CIT: variants seen among roughly 807,000 people sequenced by gnomAD.
The protein encoded by CIT is citron rho-interacting serine/threonine kinase.
CIT carries 79 observed loss-of-function variants against 272.7 expected under a neutral mutation model. That is an observed-to-expected ratio of 0.29 (90% CI 0.24 to 0.35). The LOEUF is 0.35. Ranked by LOEUF, CIT falls within the 10% of genes least tolerant of loss-of-function variation. The pLI is 1.00. For synonymous variants in CIT, 948 were observed against 995.6 expected, an observed-to-expected ratio of 0.95 and a Z score of 0.90; for missense variants, 1,909 against 2,618.3, an observed-to-expected ratio of 0.73 and a Z score of 5.91.
chr12:119,719,185 T>A (rs748095624), intron 30 of CIT, among the ~76,000 whole-genome samples: 1 of 150,810 alleles, frequency 6.6e-6, no homozygotes, highest in Non-Finnish European at 1.5e-5. Flanking sequence ...ATCAGGAGAG[T>A]ATGGAGTATG....
chr12:119,714,415 G>A, intron 32 of CIT, 81 bp from the exon 33 acceptor site: 8 of 1,459,548 alleles, frequency 5.5e-6, no homozygotes, highest in Admixed American at 2.0e-5. Flanking sequence ...CCACAGAAAG[G>A]GAAAAAATAC....
Position 119,697,918 on chromosome 12 carries a change from G to C in CIT, c.5702+58C>G, listed in dbSNP as rs962468884. 1.4e-5 allele frequency: 23 copies of C among 1,612,318 alleles called. No individual in the cohort carries two copies. Among genetic ancestry groups the C allele is most frequent in the African/African-American group, 2.7e-5 (2 of 74,860 alleles). On this transcript the variant is annotated intron_variant, in intron 45 of 47. Transcript: ENST00000392521. The surrounding 1 kb of genome is among the most constrained non-coding windows in gnomAD (Gnocchi z 4.9). ...GCAAGTTAGGAAGGAACATGCGGCCGGCCCCAACACCTACCCCAATAGCTG... is the reference window on the plus strand; with the variant it reads ...GCAAGTTAGGAAGGAACATGCGGCCCGCCCCAACACCTACCCCAATAGCTG...
chr12:119,708,420 C>T, intron 39 of CIT, 102 bp from the exon 40 acceptor site: 3 of 1,181,752 alleles, frequency 2.5e-6, no homozygotes, highest in Non-Finnish European at 3.4e-6. Context: ...CACAAGAGGC[C>T]ACACAGATGA....
chr12:119,802,393 C>A (rs2137870122), intron 10 of CIT, among the ~76,000 whole-genome samples: 1 of 152,250 alleles, frequency 6.6e-6, no homozygotes, highest in African/African-American at 2.4e-5. Flanking sequence ...AAGCCTCGAC[C>A]CTCTAATTCC....
chr12:119,810,275 A>C (rs779926222), intron 9 of CIT, among the ~76,000 whole-genome samples: 5 of 152,188 alleles, frequency 3.3e-5, no homozygotes, highest in African/African-American at 7.2e-5. Flanking sequence ...AGTGGTGTCC[A>C]CTGCAGAACT....
chr12:119,832,871 G>A lies in CIT; in HGVS notation c.660-7C>T. On this transcript the variant is annotated splice_polypyrimidine_tract_variant and splice_region_variant and intron_variant, in intron 6 of 47. Coordinates refer to ENST00000392521, the MANE Select transcript of CIT (RefSeq NM_001206999.2). ...GTTCTCAGGCTTGATGTCTCTGTAAGAAAATCAGGACCATGAATTGCCTCC... is the reference window on the plus strand; with the variant it reads ...GTTCTCAGGCTTGATGTCTCTGTAAAAAAATCAGGACCATGAATTGCCTCC... 1 of 1,607,884 alleles carries A rather than the reference G, an allele frequency of 6.2e-7. No homozygotes were observed. Among genetic ancestry groups the A allele is most frequent in the Non-Finnish European group, 8.5e-7 (1 of 1,174,380 alleles).
At chr12:119,772,124 T>C (rs1296751973) in intron 17 of CIT, among the ~76,000 whole-genome samples, 1 of 151,622 alleles carries the variant, frequency 6.6e-6, no homozygotes, top group African/African-American at 2.4e-5. Flanking sequence ...GACCCAGCAA[T>C]AGGAGGAGGG....
At chr12:119,772,549 A>G (rs1300476912) in intron 17 of CIT, among the ~76,000 whole-genome samples, 2 of 152,226 alleles carry the variant, frequency 1.3e-5, no homozygotes, top group African/African-American at 4.8e-5. Context: ...AAACAGAAAG[A>G]AAAAACTTCT....
At chr12:119,851,163 C>G (rs145966656) in intron 4 of CIT, among the ~76,000 whole-genome samples, 37 of 152,302 alleles carry the variant, frequency 2.4e-4, no homozygotes, top group Non-Finnish European at 4.4e-4. Context: ...AGGTGATCCT[C>G]TTGCCTCAGC....
chr12:119,851,669 T>C (rs902224637), intron 4 of CIT, among the ~76,000 whole-genome samples: 3 of 152,268 alleles, frequency 2.0e-5, no homozygotes, highest in Admixed American at 6.5e-5. Context: ...CTGACTGAAA[T>C]AGGAAAATCC....
At chr12:119,701,579 T>C in intron 43 of CIT, 45 bp downstream of exon 43, 1 of 1,601,386 alleles carries the variant, frequency 6.2e-7, no homozygotes, top group Non-Finnish European at 8.5e-7. Context: ...GGGTCCCTAG[T>C]GTCCATGAGG....
chr12:119,689,695 T>TTTTTTTTTG (rs1555213865), intron 47 of CIT, among the ~76,000 whole-genome samples: 9 of 142,202 alleles, frequency 6.3e-5, no homozygotes, highest in African/African-American at 2.4e-4. Flanking sequence ...TTTTTTTTTT[T>TTTTTTTTTG]AAGACAGAGT....
intron 10 of CIT, among the ~76,000 whole-genome samples, chr12:119,802,511 G>GT (rs998520838): frequency 2.0e-5 from 3 of 151,954 alleles, no homozygotes; most frequent in Admixed American, 6.6e-5. Context: ...TAGTCTCCTG[G>GT]TTTTTTTTCC....
At chr12:119,820,268 G>C (rs1158021824) in intron 9 of CIT, among the ~76,000 whole-genome samples, 1 of 152,118 alleles carries the variant, frequency 6.6e-6, no homozygotes, top group Non-Finnish European at 1.5e-5. Flanking sequence ...TTAACACTGG[G>C]GGCTGGGTGC....
chr12:119,708,403 T>TAA (rs1344419123), intron 39 of CIT, 85 bp from the exon 40 acceptor site: 5 of 1,336,752 alleles, frequency 3.7e-6, no homozygotes, highest in Non-Finnish European at 4.9e-6. Context: ...TAGTCACAAG[T>TAA]AAAAGTCACA....
At chr12:119,722,178 T>C (rs1957839911) in intron 28 of CIT, among the ~76,000 whole-genome samples, 1 of 152,210 alleles carries the variant, frequency 6.6e-6, no homozygotes, top group South Asian at 2.1e-4. Context: ...GCTGGTTTTG[T>C]GGTTCTTTTT....
chr12:119,870,066 G>A (rs1253014494), intron 2 of CIT, among the ~76,000 whole-genome samples: 1 of 152,178 alleles, frequency 6.6e-6, no homozygotes, highest in African/African-American at 2.4e-5. Flanking sequence ...CCAAGCCATG[G>A]ATAGTGGTGG....
Position 119,801,635 on chromosome 12 carries a change from CGT to C in CIT, c.1295+1569_1295+1570del, listed in dbSNP as rs773982617. On this transcript the variant is annotated intron_variant, in intron 10 of 47. Coordinates refer to ENST00000392521, the MANE Select transcript of CIT (RefSeq NM_001206999.2). ...ACGACGTGTGACCTTCAGTGTGCTG[CGT>C]GTGTCAAGGTTATACTGCCCACTAA... 8.5e-5 allele frequency among the ~76,000 whole-genome samples: 13 copies of C among 152,270 alleles called. No homozygotes were observed. In the South Asian group the frequency reaches 2.3e-3, roughly 27 times the overall value.
chr12:119,711,376 G>A (rs1181732560), intron 37 of CIT, among the ~76,000 whole-genome samples: 1 of 152,224 alleles, frequency 6.6e-6, no homozygotes, highest in Non-Finnish European at 1.5e-5. Flanking sequence ...GTTTCTAACA[G>A]CTTAAGGATA....
Sources: gnomAD v4.1 joint callset for allele counts (sites outside exome capture counted in the v4.1 genomes callset) on GRCh38, gnomAD v4.1.1 for gene constraint, Gnocchi (gnomAD v3.1) non-coding constraint, MANE v1.5 for transcripts, NCBI Gene and HGNC (gene_info 2026-07-23, HGNC 2026-07-21) for gene names.